GRIP1: variants seen among roughly 807,000 people sequenced by gnomAD.
GRIP1 encodes the protein glutamate receptor-interacting protein 1.
A neutral mutation model predicts 129.9 loss-of-function variants in GRIP1; 45 were observed. The ratio of observed to expected loss-of-function variants is 0.35; its 90% CI spans 0.27 to 0.44. The LOEUF is 0.44. Ranked by LOEUF, GRIP1 falls within the 20% of genes least tolerant of loss-of-function variation. The pLI, the probability that GRIP1 is intolerant of heterozygous loss-of-function variation, is 1.00. For missense variants in GRIP1, 1,196 were observed against 1,396.8 expected (o/e 0.86, Z 2.29); for synonymous variants, 530 against 520.8 (o/e 1.02, Z -0.24).
At chr12:66,433,521 G>A (rs1021505696) in intron 13 of GRIP1, among the ~76,000 whole-genome samples, 1 of 152,182 alleles carries the variant, frequency 6.6e-6, no homozygotes, top group African/African-American at 2.4e-5. Flanking sequence ...GAGAACCAGT[G>A]TACACTGGCT....
chr12:66,980,288 A>T (rs1350159237), intron 1 of GRIP1, among the ~76,000 whole-genome samples: 1 of 152,184 alleles, frequency 6.6e-6, no homozygotes, highest in African/African-American at 2.4e-5. Flanking sequence ...ACATATTCAG[A>T]GCTCACCACT....
At chr12:66,383,384 G>A (rs1348009768) in intron 19 of GRIP1, among the ~76,000 whole-genome samples, 1 of 152,106 alleles carries the variant, frequency 6.6e-6, no homozygotes, top group Non-Finnish European at 1.5e-5. Context: ...TGGTAAAGGT[G>A]CAGTCAGGGT....
At position 66,465,379 on chromosome 12, in the gene GRIP1, G is replaced by A. The variant is rs1299081942; in HGVS notation, c.768C>T (p.Ala256=). ...TASGPLLVEV[A]KTPGASLGVA... is the part of the protein sequence containing the mutation. Reference sequence around the variant, plus strand: ...CCCCAAGGCTGGCACCAGGAGTTTTGGCAACTTCGACTAGTAGTGGCCCGG... The same window carrying A: ...CCCCAAGGCTGGCACCAGGAGTTTTAGCAACTTCGACTAGTAGTGGCCCGG... Residue 256 remains alanine (A), a synonymous_variant, in exon 8 of 25, where the codon GCC becomes GCT. Transcript: ENST00000359742. The A allele has an allele frequency of 1.2e-6, 2 of 1,613,880 alleles. No individual in the cohort carries two copies.
intron 23 of GRIP1, among the ~76,000 whole-genome samples, chr12:66,358,830 A>C (rs937551080): frequency 1.3e-5 from 2 of 152,172 alleles, no homozygotes; most frequent in Non-Finnish European, 2.9e-5. Context: ...GAGAGAAGGG[A>C]AAAAATGAGA....
At chr12:66,466,447 A>G (rs1434845136) in intron 7 of GRIP1, among the ~76,000 whole-genome samples, 2 of 152,252 alleles carry the variant, frequency 1.3e-5, no homozygotes, top group African/African-American at 4.8e-5. Flanking sequence ...CTTAAAGCTC[A>G]TTAGAGCCAC....
chr12:66,550,574 T>C (rs2062092906), intron 2 of GRIP1, among the ~76,000 whole-genome samples: 1 of 152,118 alleles, frequency 6.6e-6, no homozygotes, highest in Admixed American at 6.5e-5. Context: ...ATTCATGAAT[T>C]CCCCCTGGGG....
intron 1 of GRIP1, among the ~76,000 whole-genome samples, chr12:66,728,406 C>T (rs558381049): frequency 1.3e-5 from 2 of 152,258 alleles, no homozygotes; most frequent in Admixed American, 1.3e-4. Flanking sequence ...ATTCTCAGCA[C>T]ACAGTCACCC....
chr12:66,355,286 G>A (rs117531567), intron 23 of GRIP1, among the ~76,000 whole-genome samples: 2 of 152,238 alleles, frequency 1.3e-5, no homozygotes, highest in East Asian at 3.9e-4. Flanking sequence ...AGGGACTGAG[G>A]ATATTTTTCA....
At chr12:66,526,625 A>G (rs1252574906) in intron 5 of GRIP1, among the ~76,000 whole-genome samples, 2 of 152,112 alleles carry the variant, frequency 1.3e-5, no homozygotes, top group Non-Finnish European at 1.5e-5. Flanking sequence ...ATGGGCAAGG[A>G]CTTCATGTCT....
Position 66,638,266 on chromosome 12 carries a change from T to A in GRIP1, c.55+40584A>T, listed in dbSNP as rs144800545. Among the ~76,000 whole-genome samples the A allele has an allele frequency of 2.2e-4, 33 of 152,322 alleles. No homozygotes were observed. In the East Asian group the frequency reaches 6.4e-3, roughly 29 times the overall value. ...TTTGCATTTTATTCCACAAATTATT[T>A]TGAGGGTTCTGATGATGTTACATAT... On this transcript the variant is annotated intron_variant, in intron 1 of 24. Transcript: ENST00000359742.
chr12:66,888,109 G>A (rs757870548), intron 1 of GRIP1, among the ~76,000 whole-genome samples: 2 of 152,048 alleles, frequency 1.3e-5, no homozygotes, highest in African/African-American at 4.8e-5. Context: ...CCAGGCTGGA[G>A]TGCAGTAGTG....
chr12:66,498,542 A>G (rs2060302534), intron 7 of GRIP1, among the ~76,000 whole-genome samples: 2 of 152,300 alleles, frequency 1.3e-5, no homozygotes, highest in Non-Finnish European at 2.9e-5. Flanking sequence ...TCTTAAGTCT[A>G]TCTCTTAAGG....
chr12:66,408,768 G>A (rs1022361354), intron 15 of GRIP1, among the ~76,000 whole-genome samples: 53 of 152,190 alleles, frequency 3.5e-4, no homozygotes, highest in African/African-American at 1.1e-3. Flanking sequence ...GGACGTTTGT[G>A]GACCTGCTCT....
intron 1 of GRIP1, among the ~76,000 whole-genome samples, chr12:66,994,919 T>G (rs2042445084): frequency 6.6e-6 from 1 of 151,992 alleles, no homozygotes; most frequent in Non-Finnish European, 1.5e-5. Flanking sequence ...AGTTGAAGGA[T>G]TTAGACTTCC....
intron 16 of GRIP1, among the ~76,000 whole-genome samples, chr12:66,404,769 C>A (rs1001933408): frequency 3.9e-5 from 6 of 152,160 alleles, no homozygotes; most frequent in Non-Finnish European, 8.8e-5. Context: ...CAGTGGCTCA[C>A]ACCTGTAATC....
At chr12:66,419,320 C>T (rs571222858) in intron 15 of GRIP1, among the ~76,000 whole-genome samples, 28 of 151,542 alleles carry the variant, frequency 1.8e-4, no homozygotes, top group Non-Finnish European at 3.2e-4. Flanking sequence ...GGGGGGTCAG[C>T]GTGGGGAAAG....
intron 15 of GRIP1, among the ~76,000 whole-genome samples, chr12:66,407,230 C>A (rs1008199536): frequency 6.6e-6 from 1 of 150,996 alleles, no homozygotes; most frequent in Non-Finnish European, 1.5e-5. Context: ...CTCTGGGGAC[C>A]CTCCCCACCT....
chr12:67,033,292 T>TATAA (rs2043049962), intron 1 of GRIP1, among the ~76,000 whole-genome samples: 1 of 145,550 alleles, frequency 6.9e-6, no homozygotes, highest in African/African-American at 2.5e-5. Context: ...TATATATATA[T>TATAA]AAAGACAAAT....
chr12:66,789,921 T>C (rs1008026541), intron 1 of GRIP1, among the ~76,000 whole-genome samples: 2 of 152,090 alleles, frequency 1.3e-5, no homozygotes, highest in African/African-American at 4.8e-5. Flanking sequence ...GGAGAAAAAA[T>C]TTTATTTGAT....
Sources: gnomAD v4.1 joint callset for allele counts (sites outside exome capture counted in the v4.1 genomes callset) on GRCh38, gnomAD v4.1.1 for gene constraint, MANE v1.5 for transcripts, NCBI Gene and HGNC (gene_info 2026-07-23, HGNC 2026-07-21) for gene names.